Variants in SORCS3 observed in about 807,000 individuals in gnomAD.
The protein encoded by SORCS3 is sortilin related VPS10 domain containing receptor 3.
Under a neutral mutation model 146.3 loss-of-function variants are expected in SORCS3, and 57 were observed. The ratio of observed to expected loss-of-function variants is 0.39; its 90% CI spans 0.31 to 0.49. The LOEUF (loss-of-function observed/expected upper bound fraction) is 0.49, where lower values mean the gene tolerates loss of function less well. SORCS3 is among the 20% of genes least tolerant of loss of function. SORCS3 has a pLI of 0.92. For synonymous variants in SORCS3, 653 were observed against 618.5 expected, an observed-to-expected ratio of 1.06 and a Z score of -0.83; for missense variants, 1,341 against 1,575.5, an observed-to-expected ratio of 0.85 and a Z score of 2.52.
intron 6 of SORCS3, among the ~76,000 whole-genome samples, chr10:105,092,401 A>T (rs2055716550): frequency 6.6e-6 from 1 of 152,184 alleles, no homozygotes. Context: ...CTCCACTGGA[A>T]TTCTAGGGTT....
intron 12 of SORCS3, among the ~76,000 whole-genome samples, chr10:105,166,273 T>A (rs926135929): frequency 2.0e-5 from 3 of 152,174 alleles, no homozygotes; most frequent in African/African-American, 7.2e-5. Context: ...ATCGTCTCCT[T>A]ATCCTCTTCT....
intron 1 of SORCS3, among the ~76,000 whole-genome samples, chr10:104,783,362 G>A (rs571833043): frequency 6.6e-6 from 1 of 152,350 alleles, no homozygotes; most frequent in African/African-American, 2.4e-5. Context: ...AGTGTTTGCT[G>A]ATGGTGATTT....
At chr10:104,712,140 A>C (rs987076028) in intron 1 of SORCS3, among the ~76,000 whole-genome samples, 19 of 152,128 alleles carry the variant, frequency 1.2e-4, no homozygotes, top group East Asian at 7.7e-4. Flanking sequence ...CCCACTTTAC[A>C]AAGTACTTTA....
At chr10:105,115,999 G>A (rs145525910) in intron 7 of SORCS3, among the ~76,000 whole-genome samples, 159 of 152,302 alleles carry the variant, frequency 1.0e-3, no homozygotes, top group African/African-American at 3.7e-3. Flanking sequence ...TTCTTGAAGT[G>A]CTTTCAGAAT....
intron 8 of SORCS3, among the ~76,000 whole-genome samples, chr10:105,144,578 A>G (rs2056117699): frequency 6.6e-6 from 1 of 152,168 alleles, no homozygotes; most frequent in African/African-American, 2.4e-5. Context: ...GGCAGGGCAG[A>G]CATGGAATGT....
At chr10:104,950,371 A>G (rs2019415660) in intron 3 of SORCS3, among the ~76,000 whole-genome samples, 1 of 152,174 alleles carries the variant, frequency 6.6e-6, no homozygotes, top group Admixed American at 6.5e-5. Context: ...GTGACCGTAT[A>G]ATCTAGGGTA....
At chr10:104,677,018 A>G (rs73330343) in intron 1 of SORCS3, among the ~76,000 whole-genome samples, 5,032 of 152,290 alleles carry the variant, frequency 0.033, 256 homozygotes, top group African/African-American at 0.11. Flanking sequence ...TGGCTGGGGC[A>G]TGAGATTAAT....
intron 4 of SORCS3, among the ~76,000 whole-genome samples, chr10:105,041,425 A>G (rs1294587460): frequency 6.7e-6 from 1 of 148,354 alleles, no homozygotes; most frequent in East Asian, 2.0e-4. Flanking sequence ...ATATATATAT[A>G]TACACACACA....
chr10:105,163,002 T>C (rs2056279974), intron 11 of SORCS3, among the ~76,000 whole-genome samples: 1 of 152,202 alleles, frequency 6.6e-6, no homozygotes, highest in African/African-American at 2.4e-5. Flanking sequence ...TTTCCTTACC[T>C]GTGTCTTCTA....
chr10:105,029,892 G>A (rs1274637641), intron 4 of SORCS3, among the ~76,000 whole-genome samples: 1 of 152,112 alleles, frequency 6.6e-6, no homozygotes, highest in African/African-American at 2.4e-5. Flanking sequence ...AATCATCTGG[G>A]AGCTTGTTAA....
In SORCS3 at chr10:104,937,647, G is replaced by A. The variant is rs139858330; in HGVS notation, c.795+21715G>A. On this transcript the variant is annotated intron_variant, in intron 3 of 26. Transcript: ENST00000369701. ...CTTCAGTCTAGAGCAAAGTAAGTTC[G>A]GGTCTTGGAAGGGCAACCCTTCCCC... Among the ~76,000 whole-genome samples the A allele has an allele frequency of 1.1e-3, 172 of 152,266 alleles. 5 individuals are homozygous for A. In the South Asian group the frequency reaches 0.017, roughly 15 times the overall value.
chr10:105,186,899 A>G (rs1407623937), intron 14 of SORCS3, among the ~76,000 whole-genome samples: 1 of 151,656 alleles, frequency 6.6e-6, no homozygotes, highest in Non-Finnish European at 1.5e-5. Flanking sequence ...AAAAAAAAAA[A>G]AAAAATTCCC....
chr10:105,118,082 G>C (rs1249007137), intron 7 of SORCS3, among the ~76,000 whole-genome samples: 2 of 152,012 alleles, frequency 1.3e-5, no homozygotes, highest in Non-Finnish European at 2.9e-5. Flanking sequence ...TCTCTGATAT[G>C]GTTTGGCTGT....
intron 2 of SORCS3, among the ~76,000 whole-genome samples, chr10:104,908,485 A>G (rs1160119582): frequency 6.6e-6 from 1 of 152,218 alleles, no homozygotes; most frequent in African/African-American, 2.4e-5. Context: ...ATTACTCTTC[A>G]TTGAATCTGA....
chr10:104,772,929 C>T (rs902304), intron 1 of SORCS3, among the ~76,000 whole-genome samples: 2 of 152,148 alleles, frequency 1.3e-5, no homozygotes. Context: ...TGACCTCTGC[C>T]TTATGGTTTA....
Position 105,256,886 on chromosome 10 carries a change from T to G in SORCS3, c.3405T>G (p.Phe1135Leu). ...TGCTTATGCTATTATCAGTGGTATT[T>G]GTTGGCCTGGCTGTGTTTTTGATCT... is the stretch of plus-strand genomic sequence containing the variant. ...SAMLMLLSVV[F>L]VGLAVFLIYK... Residue 1135 changes from phenylalanine to leucine, a missense_variant, in exon 25 of 27, where the codon TTT becomes TTG. Physicochemically the swap from Phe to Leu is conservative, Grantham distance 22. Coordinates refer to ENST00000369701, the MANE Select transcript of SORCS3 (RefSeq NM_014978.3). The G allele has an allele frequency of 6.2e-7, 1 of 1,614,210 alleles. No individual in the cohort carries two copies. The highest frequency in any genetic ancestry group is 8.5e-7 in the Non-Finnish European group (1 of 1,180,024).
chr10:105,067,599 G>T (rs746932865), intron 5 of SORCS3, among the ~76,000 whole-genome samples: 1 of 152,122 alleles, frequency 6.6e-6, no homozygotes, highest in Non-Finnish European at 1.5e-5. Flanking sequence ...TTTCTTCATT[G>T]CTAAATTGTA....
chr10:105,262,554 T>C (rs953400898), intron 26 of SORCS3, 63 bp downstream of exon 26: 78 of 1,529,868 alleles, frequency 5.1e-5, no homozygotes, highest in Non-Finnish European at 6.9e-5. Context: ...GCCTGCTTCA[T>C]CTGTCCCCCA....
At chr10:105,118,862 G>C (rs1176791764) in intron 7 of SORCS3, among the ~76,000 whole-genome samples, 1 of 152,144 alleles carries the variant, frequency 6.6e-6, no homozygotes, top group Non-Finnish European at 1.5e-5. Context: ...AGAGAAAGCA[G>C]ATCATAAAAG....
Sources: gnomAD v4.1 joint callset for allele counts (sites outside exome capture counted in the v4.1 genomes callset) on GRCh38, gnomAD v4.1.1 for gene constraint, MANE v1.5 for transcripts, NCBI Gene and HGNC (gene_info 2026-07-23, HGNC 2026-07-21) for gene names.